Variants in DNAH17 observed in about 807,000 individuals in gnomAD.
DNAH17 encodes the protein dynein axonemal heavy chain 17, also known as axonemal beta dynein heavy chain 17.
In DNAH17, 376 loss-of-function variants were observed where a neutral mutation model predicts 485.6. The ratio of observed to expected loss-of-function variants is 0.77; its 90% CI spans 0.71 to 0.84. The LOEUF (loss-of-function observed/expected upper bound fraction) is 0.84, where lower values mean the gene tolerates loss of function less well. Ranked by LOEUF, DNAH17 falls within the 40% of genes least tolerant of loss-of-function variation. The pLI, the probability that DNAH17 is intolerant of heterozygous loss-of-function variation, is 0.00. For synonymous variants in DNAH17, 3,031 were observed against 2,405.9 expected (o/e 1.26, Z -7.60); for missense variants, 6,370 against 5,839.3 (o/e 1.09, Z -2.96).
intron 9 of DNAH17, 97 bp downstream of exon 9, chr17:78,569,069 A>AT: frequency 1.1e-6 from 1 of 944,756 alleles, no homozygotes; most frequent in East Asian, 2.6e-5. Flanking sequence ...TGCCTGGGGG[A>AT]TTATTGGCAA....
At chr17:78,465,929 G>C (rs916131012) in intron 56 of DNAH17, among the ~76,000 whole-genome samples, 2 of 152,200 alleles carry the variant, frequency 1.3e-5, no homozygotes, top group Non-Finnish European at 2.9e-5. Flanking sequence ...TCTGGGAGGT[G>C]TGCCCAGCAG....
Position 78,475,844 on chromosome 17 carries a change from A to G in DNAH17, c.8155-11T>C. 6.3e-7 allele frequency: 1 copy of G among 1,594,784 alleles called. No individual in the cohort carries two copies. The highest frequency in any genetic ancestry group is 8.5e-7 in the Non-Finnish European group (1 of 1,172,782). On this transcript the variant is annotated splice_polypyrimidine_tract_variant and intron_variant, in intron 52 of 80. Transcript: ENST00000389840. ...TTCATCACCAAGATCCTAGAAAAAG[A>G]AAAAAAAAGACGATACTTCCGGTTT...
rs1368233761 is a variant in DNAH17, at chr17:78,572,893, A to C, written c.347T>G (p.Val116Gly). The C allele has an allele frequency of 2.5e-6, 4 of 1,612,926 alleles. No individual in the cohort carries two copies. Among genetic ancestry groups the C allele is most frequent in the Non-Finnish European group, 3.4e-6 (4 of 1,179,532 alleles). ...VDQLIAVVEEVLSSLLNQSEN... is the reference protein window; with the variant it reads ...VDQLIAVVEEGLSSLLNQSEN... ...ACTTTGGTTTAACAGAGAAGAGAGG[A>C]CCTAAAAGGAAACACTTCTGTGGTT... Residue 116 changes from valine (V) to glycine (G), a missense_variant and splice_region_variant, in exon 3 of 81, where the codon GTC becomes GGC. By Grantham distance (109) the Val-to-Gly change is moderately radical (BLOSUM62 -3). Transcript: ENST00000389840.
At chr17:78,458,728 C>T (rs200133792) in intron 61 of DNAH17, 48 bp from the exon 62 acceptor site, 2 of 1,523,092 alleles carry the variant, frequency 1.3e-6, no homozygotes, top group Non-Finnish European at 1.8e-6. Context: ...CGAGGCATCT[C>T]TAGCCCCCTG....
chr17:78,502,950 G>A lies in DNAH17; in HGVS notation c.5018C>T (p.Pro1673Leu), dbSNP rs1318092076. 1.2e-6 allele frequency: 2 copies of A among 1,613,908 alleles called. No homozygotes were observed. Among genetic ancestry groups the A allele is most frequent in the Middle Eastern group, 1.6e-4 (1 of 6,062 alleles). ...RMCSTLRHEIPEAVVTYEEKP... is the reference protein window; with the variant it reads ...RMCSTLRHEILEAVVTYEEKP... The stretch of plus-strand genomic sequence containing the variant: ...CTCTTCGTAGGTCACCACGGCCTCT[G>A]GGATTTCGTGCCGGAGGGTAGAGCA... Residue 1673 changes from proline to leucine, a missense_variant, in exon 32 of 81, where the codon CCA becomes CTA. Pro to Leu is a moderately conservative substitution (Grantham distance 98, BLOSUM62 -3). Coordinates refer to ENST00000389840, the MANE Select transcript of DNAH17 (RefSeq NM_173628.4).
intron 74 of DNAH17, 64 bp downstream of exon 74, chr17:78,437,577 C>G: frequency 2.8e-6 from 4 of 1,420,336 alleles, no homozygotes; most frequent in Non-Finnish European, 3.8e-6. Flanking sequence ...CCTCGGGGCC[C>G]CAAGGGATGG....
intron 56 of DNAH17, among the ~76,000 whole-genome samples, chr17:78,464,589 C>G (rs998749635): frequency 6.6e-6 from 1 of 152,236 alleles, no homozygotes; most frequent in Admixed American, 6.5e-5. Flanking sequence ...TGAAAAGAGA[C>G]TGCAAGAGAA....
rs756577661 is a variant in DNAH17 at position 78,486,040 on chromosome 17, T to C, written c.7195A>G (p.Ile2399Val). The C allele has an allele frequency of 4.3e-6, 7 of 1,613,924 alleles. No individual in the cohort carries two copies. Among genetic ancestry groups the C allele is most frequent in the Admixed American group, 1.7e-5 (1 of 60,018 alleles). The change falls in exon 46 of 81, where the codon ATT (isoleucine) becomes GTT (valine). Residue 2399 changes from isoleucine to valine, a missense_variant. Physicochemically the swap from Ile to Val is conservative, Grantham distance 29 (BLOSUM62 3). Coordinates refer to ENST00000389840, the MANE Select transcript of DNAH17 (RefSeq NM_173628.4). The stretch of plus-strand genomic sequence containing the variant: ...AGGAACTTTTTTGTGTCAGGATCAA[T>C]GTAGTAGTCAAAAATCGTTCCCTGC... ...PSQGTIFDYY[I>V]DPDTKKFLPW...
At chr17:78,538,601 A>G (rs974132965) in intron 18 of DNAH17, among the ~76,000 whole-genome samples, 15 of 152,316 alleles carry the variant, frequency 9.8e-5, no homozygotes, top group East Asian at 9.6e-4. Flanking sequence ...CTAAAGACTC[A>G]GGTCGGCTCC....
intron 54 of DNAH17, among the ~76,000 whole-genome samples, chr17:78,471,814 C>G (rs1376709738): frequency 1.3e-5 from 2 of 152,180 alleles, no homozygotes; most frequent in African/African-American, 4.8e-5. Context: ...CCCTCCACTC[C>G]CGTCCTCTTA....
At chr17:78,432,905 C>CCCCCCCG (rs2086728235) in intron 75 of DNAH17, among the ~76,000 whole-genome samples, 1 of 115,070 alleles carries the variant, frequency 8.7e-6, no homozygotes, top group Non-Finnish European at 1.9e-5. Flanking sequence ...CAAACGTGCC[C>CCCCCCCG]CCCCCCCCCG....
chr17:78,491,151 AT>A lies in DNAH17; in HGVS notation c.6669+291del. 3.3e-5 allele frequency among the ~76,000 whole-genome samples: 5 copies of A among 152,338 alleles called. No homozygotes were observed. In the South Asian group the frequency reaches 1.0e-3, roughly 32 times the overall value. ...TCCTTCCTGCATCCAACTGAGGAGCATTTTTAGAAAATGGCTTCTAGACAAT... is the reference window on the plus strand; with the variant it reads ...TCCTTCCTGCATCCAACTGAGGAGCATTTTAGAAAATGGCTTCTAGACAAT... On this transcript the variant is annotated intron_variant, in intron 43 of 80. Coordinates refer to ENST00000389840, the MANE Select transcript of DNAH17 (RefSeq NM_173628.4).
At chr17:78,510,759 G>GCC (rs753751538) in intron 26 of DNAH17, 9 of 316,790 alleles carry the variant, frequency 2.8e-5, no homozygotes, top group Non-Finnish European at 4.7e-5. Flanking sequence ...CGGCCCCCCC[G>GCC]CAAAATTCAC....
rs566772763 is a variant in DNAH17 at position 78,459,281 on chromosome 17, T to A, written c.9654-73A>T. ...GCAAAACGGGCCCAGAGAAGCTGAG[T>A]GTCTTGCCCAGGGTGGCACAGCTCT... On this transcript the variant is annotated intron_variant, in intron 60 of 80. Coordinates refer to ENST00000389840, the MANE Select transcript of DNAH17 (RefSeq NM_173628.4). 3.5e-6 allele frequency: 5 copies of A among 1,439,190 alleles called. No homozygotes were observed. In the South Asian group the frequency reaches 5.8e-5, roughly 17 times the overall value. 89.2% of individuals were successfully genotyped at this position (1,439,190 alleles called of 1,614,324 possible).
chr17:78,492,858 T>G (rs1202486077), intron 41 of DNAH17, 93 bp from the exon 42 acceptor site: 1 of 1,102,736 alleles, frequency 9.1e-7, no homozygotes, highest in African/African-American at 1.8e-5. Flanking sequence ...CTGGATGGTT[T>G]TTTTTTTTTT....
chr17:78,478,646 A>G (rs1485635377), intron 51 of DNAH17, among the ~76,000 whole-genome samples: 1 of 150,168 alleles, frequency 6.7e-6, no homozygotes, highest in African/African-American at 2.5e-5. Flanking sequence ...TATCACCATT[A>G]CCATCACCAC....
chr17:78,470,412 G>A (rs570317025), intron 54 of DNAH17, among the ~76,000 whole-genome samples: 21 of 151,286 alleles, frequency 1.4e-4, no homozygotes, highest in African/African-American at 2.2e-4. Flanking sequence ...AAAACAGGCC[G>A]GGCACGGTGG....
Position 78,494,593 on chromosome 17 carries a change from C to G in DNAH17, c.6270G>C (p.Lys2090Asn). Residue 2090 changes from lysine to asparagine, a missense_variant and splice_region_variant, in exon 40 of 81, where the codon AAG becomes AAC. Lys to Asn is a moderately conservative substitution (Grantham distance 94). Transcript: ENST00000389840. ...AGACCTGAGACCCAGGAGTCCCGAC[C>G]TTTTCAAAATTCAGGTCCCGTTTCC... ...VPRKRDLNFE[K>N]IIKQSIVELK... is the part of the protein sequence containing the mutation. 1 of 1,613,574 alleles carries G rather than the reference C, an allele frequency of 6.2e-7. No homozygotes were observed. The highest frequency in any genetic ancestry group is 1.3e-5 in the African/African-American group (1 of 75,064).
Position 78,479,507 on chromosome 17 carries a change from G to A in DNAH17, c.7878C>T (p.Ser2626=). ...SVSMAIQRIS[S]QLVAAALALH... ...TACCCAGGGCCGCGGCCACCAGCTG[G>A]CTGCTTATCCTCTGGATAGCCATGG... Residue 2626 remains serine, a synonymous_variant, in exon 50 of 81, where the codon AGC becomes AGT. Transcript: ENST00000389840. 6.2e-7 allele frequency: 1 copy of A among 1,612,444 alleles called. No homozygotes were observed. Among genetic ancestry groups the A allele is most frequent in the East Asian group, 2.2e-5 (1 of 44,842 alleles).
Sources: gnomAD v4.1 joint callset for allele counts (sites outside exome capture counted in the v4.1 genomes callset) on GRCh38, gnomAD v4.1.1 for gene constraint, MANE v1.5 for transcripts, NCBI Gene and HGNC (gene_info 2026-07-23, HGNC 2026-07-21) for gene names.